The following IFT46 variants were observed in gnomAD, a reference collection of about 807,000 sequenced individuals.
IFT46 encodes intraflagellar transport 46, also known as intraflagellar transport protein 46 homolog.
IFT46 carries 19 observed loss-of-function variants against 39.6 expected under a neutral mutation model. The observed-to-expected ratio is 0.48, with a 90% CI of 0.33 to 0.70. The LOEUF is 0.70. Among genes scored for constraint, IFT46 ranks in the 30% least tolerant of loss-of-function variants. IFT46 has a pLI of 0.01. For synonymous variants in IFT46, 117 were observed against 134.8 expected (o/e 0.87, Z 0.91); for missense variants, 334 against 364.8 (o/e 0.92, Z 0.69).
intron 2 of IFT46, chr11:118,561,689 G>T (rs4326835): frequency 0.17 from 48,341 of 276,920 alleles, 6,161 homozygotes; most frequent in East Asian, 0.54. Context: ...TCTAAATGGG[G>T]TCACTAATAT....
At chr11:118,557,665 A>G in intron 3 of IFT46, 1 of 1,561,280 alleles carries the variant, frequency 6.4e-7, no homozygotes, top group East Asian at 2.2e-5. Flanking sequence ...CCCTTACCCC[A>G]TAAATTACAT....
chr11:118,552,655 T>C (rs1451472187), intron 7 of IFT46, among the ~76,000 whole-genome samples: 1 of 151,928 alleles, frequency 6.6e-6, no homozygotes, highest in Non-Finnish European at 1.5e-5. Context: ...TAGCCAGGCA[T>C]GGTGGTGTGT....
intron 9 of IFT46, among the ~76,000 whole-genome samples, chr11:118,547,762 T>C (rs1481876646): frequency 6.8e-6 from 1 of 146,462 alleles, no homozygotes; most frequent in African/African-American, 2.5e-5. Flanking sequence ...TTTTTTTTTT[T>C]TTGAGACAGA....
intron 2 of IFT46, chr11:118,560,853 TAACA>T (rs1938031775): frequency 1.8e-5 from 14 of 761,724 alleles, no homozygotes; most frequent in Admixed American, 1.2e-4. Context: ...ATAGTTCGTG[TAACA>T]AACAGAGATA....
intron 4 of IFT46, among the ~76,000 whole-genome samples, chr11:118,555,926 A>C (rs1289455576): frequency 6.6e-6 from 1 of 152,110 alleles, no homozygotes; most frequent in African/African-American, 2.4e-5. Context: ...CTGTCTCAAA[A>C]AAAAAAAGAG....
At chr11:118,572,394 T>C in intron 1 of IFT46, 2 of 202,834 alleles carry the variant, frequency 9.9e-6, no homozygotes, top group East Asian at 2.6e-4. Context: ...GTTGAAGACG[T>C]GGCTTGGGGC....
At chr11:118,552,093 C>T (rs1274916074) in intron 8 of IFT46, 121 bp downstream of exon 8, 14 of 1,240,440 alleles carry the variant, frequency 1.1e-5, no homozygotes, top group Non-Finnish European at 1.5e-5. Context: ...TTGCCAGGAT[C>T]CACAGGACCT....
chr11:118,567,207 T>C (rs1428797485), upstream of IFT46, among the ~76,000 whole-genome samples: 6 of 151,704 alleles, frequency 4.0e-5, no homozygotes, highest in East Asian at 1.2e-3. Flanking sequence ...TGAACCGAGA[T>C]TGGGCCACTG....
In IFT46 at chr11:118,554,468, G is replaced by A. The variant is rs782331709; in HGVS notation, c.474C>T (p.His158=). ...TAAGCTAGTATCTTACTGTGATGTT[G>A]TGCTGCTTAGAATTCTCTGTTAACC... ...SLWLTENSKQ[H]NITQHMKVKS... Residue 158 remains histidine (H), a synonymous_variant, in exon 7 of 12, where the codon CAC becomes CAT. Transcript: ENST00000264021. The A allele has an allele frequency of 6.2e-7, 1 of 1,609,098 alleles. No homozygotes were observed. Among genetic ancestry groups the A allele is most frequent in the South Asian group, 1.1e-5 (1 of 90,090 alleles).
chr11:118,565,405 C>T (rs1591373392), intron 1 of IFT46, among the ~76,000 whole-genome samples: 2 of 148,972 alleles, frequency 1.3e-5, no homozygotes, highest in Middle Eastern at 6.8e-3. Context: ...GTTGAGGTTT[C>T]TCAGGGAAGG....
rs574042515 is a variant in IFT46 at position 118,572,776 on chromosome 11, C to G, written c.-313G>C. ...GTCGTGCCCGCTTCCGCACCACCCC[C>G]CAACCAGCTGGACTCCCTCGTTTGC... is the stretch of plus-strand genomic sequence containing the variant. On this transcript the variant is annotated 5_prime_UTR_variant, in exon 1 of 6. Coordinates refer to the IFT46 transcript ENST00000528378. 67 of 489,586 alleles carry G rather than the reference C, an allele frequency of 1.4e-4. 1 individual carries two copies. In the South Asian group the frequency reaches 2.2e-3, roughly 16 times the overall value. 30.3% of individuals were successfully genotyped at this position (489,586 alleles called of 1,614,324 possible). A position where few individuals can be genotyped will look rare whatever the true frequency, so the allele number is the denominator to read the frequency against.
upstream of IFT46, chr11:118,573,730 G>T (rs116241910): frequency 1.3e-4 from 90 of 690,638 alleles, no homozygotes; most frequent in African/African-American, 1.4e-3. Context: ...CTTGGATAAT[G>T]GGGGGAATTC....
At position 118,557,977 on chromosome 11, in the gene IFT46, C is replaced by T. The variant is rs909472492; in HGVS notation, c.46-932G>A. On this transcript the variant is annotated intron_variant, in intron 3 of 11. Transcript: ENST00000264021. ...CGTATGGCTTATACTGAGGTTAACA[C>T]GTTTGATTCCAGTTGTTTAAAATTA... is the stretch of plus-strand genomic sequence containing the variant. 6.1e-5 allele frequency: 71 copies of T among 1,163,872 alleles called. 1 individual carries two copies. The highest frequency in any genetic ancestry group is 1.7e-4 in the African/African-American group (11 of 62,906). 72.1% of individuals were successfully genotyped at this position (1,163,872 alleles called of 1,614,324 possible).
intron 2 of IFT46, chr11:118,561,592 T>G: frequency 1.7e-6 from 1 of 574,554 alleles, no homozygotes; most frequent in South Asian, 2.0e-5. Context: ...CCAAACAATT[T>G]TCTATAAAGA....
chr11:118,555,275 A>T lies in IFT46; in HGVS notation c.233T>A (p.Ile78Asn). Residue 78 changes from isoleucine to asparagine, a missense_variant, in exon 5 of 12, where the codon ATT becomes AAT. Transcript: ENST00000264021. ...DYEHLPVSAE[I>N]KELFQYISRY... ...ACTGATGTACTGGAAGAGTTCCTTA[A>T]TTTCAGCAGAAACTGGCAAATGCTC... The T allele has an allele frequency of 6.2e-7, 1 of 1,614,104 alleles. No individual in the cohort carries two copies. Among genetic ancestry groups the T allele is most frequent in the Non-Finnish European group, 8.5e-7 (1 of 1,179,984 alleles).
chr11:118,547,792 G>A (rs1457073440), intron 9 of IFT46, among the ~76,000 whole-genome samples: 2 of 144,722 alleles, frequency 1.4e-5, no homozygotes, highest in African/African-American at 2.6e-5. Context: ...TTTCGCCCAG[G>A]CTGGAGTGTA....
In IFT46 at chr11:118,545,412, T is replaced by C; in HGVS notation, c.816A>G (p.Ser272=). ...CAACCCCTGATGCTTGGCTCACCTG[T>C]GAGTTCTTGAATTCTGAGTAGAGGG... ...LFSLYSEFKN[S]QHFKALAEGK... The change falls in exon 11 of 12, where the codon TCA becomes TCG. Residue 272 remains serine, a synonymous_variant. Coordinates refer to ENST00000264021, the MANE Select transcript of IFT46 (RefSeq NM_001168618.2). The C allele has an allele frequency of 6.2e-7, 1 of 1,607,770 alleles. No individual in the cohort carries two copies. The highest frequency in any genetic ancestry group is 8.5e-7 in the Non-Finnish European group (1 of 1,174,322).
chr11:118,545,380 C>T lies in IFT46; in HGVS notation c.819+29G>A, dbSNP rs782577399. ...GAAACTATAGTGATCCTCTCTACAG[C>T]TTAAGTCAACCCCTGATGCTTGGCT... On this transcript the variant is annotated intron_variant, in intron 11 of 11. Transcript: ENST00000264021. 3.3e-6 allele frequency: 5 copies of T among 1,500,690 alleles called. No individual in the cohort carries two copies. In the South Asian group the frequency reaches 5.6e-5, roughly 17 times the overall value. 93.0% of individuals were successfully genotyped at this position (1,500,690 alleles called of 1,614,324 possible). A position where few individuals can be genotyped will look rare whatever the true frequency, so the allele number is the denominator to read the frequency against.
intron 9 of IFT46, chr11:118,547,237 T>C (rs1338229285): frequency 2.6e-5 from 4 of 152,150 alleles, no homozygotes; most frequent in African/African-American, 9.7e-5. Context: ...GAGCTTACAT[T>C]TTAGTAGGGA....
Sources: allele counts gnomAD v4.1 joint callset (sites outside exome capture counted in the v4.1 genomes callset), GRCh38; gene constraint gnomAD v4.1.1; transcripts MANE v1.5; gene names NCBI Gene and HGNC (gene_info 2026-07-23, HGNC 2026-07-21).